The following RUBCN variants were observed in gnomAD, a reference collection of about 807,000 sequenced individuals.
RUBCN encodes rubicon autophagy regulator, also known as run domain Beclin-1-interacting and cysteine-rich domain-containing protein.
Under a neutral mutation model 113.2 loss-of-function variants are expected in RUBCN, and 74 were observed. That is an observed-to-expected ratio of 0.65 (90% confidence interval 0.54 to 0.79). The LOEUF is 0.79. Among genes scored for constraint, RUBCN ranks in the 30% least tolerant of loss-of-function variants. RUBCN has a pLI of 0.00. For missense variants in RUBCN, 1,109 were observed against 1,251.7 expected (o/e 0.89, Z 1.72); for synonymous variants, 480 against 490.0 (o/e 0.98, Z 0.27).
Position 197,718,064 on chromosome 3 carries a change from G to T in RUBCN, c.132C>A (p.Ser44Arg), listed in dbSNP as rs769277133. The change falls in exon 2 of 20, where the codon AGC becomes AGA. Residue 44 changes from serine (S) to arginine (R), a missense_variant. Around this residue, in one of 3 missense-constraint regions of RUBCN, gnomAD observed 736 missense variants for 779.6 expected, o/e 0.94. Transcript: ENST00000296343. Reference protein sequence around the residue: ...TTVEGLVSTNSPNVWSKYGGL... With the variant: ...TTVEGLVSTNRPNVWSKYGGL... ...CACCATACTTAGACCAGACGTTGGG[G>T]CTGTTGGTTGATACCAAACCCTCCA... 4.3e-6 allele frequency: 7 copies of T among 1,614,066 alleles called. No homozygotes were observed. The Admixed American group carries it at 5.0e-5, about 12-fold the overall frequency.
Position 197,694,593 on chromosome 3 carries a change from A to C in RUBCN, c.1474-8T>G, listed in dbSNP as rs750507996. On this transcript the variant is annotated splice_polypyrimidine_tract_variant and splice_region_variant and intron_variant, in intron 9 of 19. Transcript: ENST00000296343. ...GCTGAAGTGGGCATTCTCCTGGCGG[A>C]AGGAGAGCACCAAACAGGCAAAGGG... 139 of 1,610,948 alleles carry C rather than the reference A, an allele frequency of 8.6e-5. No homozygotes were observed. The highest frequency in any genetic ancestry group is 1.0e-4 in the Non-Finnish European group (123 of 1,177,206).
At chr3:197,702,003 C>T (rs1203843913) in intron 5 of RUBCN, 139 bp from the exon 6 acceptor site, 6 of 755,910 alleles carry the variant, frequency 7.9e-6, no homozygotes, top group Non-Finnish European at 1.4e-5. Context: ...CCTGTAGATA[C>T]AGCAAGGCTA....
chr3:197,746,386 C>T (rs1361137365), intron 1 of RUBCN, among the ~76,000 whole-genome samples: 2 of 152,152 alleles, frequency 1.3e-5, no homozygotes, highest in Non-Finnish European at 1.5e-5. Context: ...GGTCTTATCT[C>T]TGGCACGCCT....
chr3:197,711,523 G>C (rs1724963149), intron 2 of RUBCN, among the ~76,000 whole-genome samples: 1 of 152,118 alleles, frequency 6.6e-6, no homozygotes, highest in Non-Finnish European at 1.5e-5. Context: ...ATTGGTAATT[G>C]CTTTTATAAG....
intron 2 of RUBCN, among the ~76,000 whole-genome samples, chr3:197,716,221 A>G (rs968423155): frequency 1.3e-5 from 2 of 152,196 alleles, no homozygotes; most frequent in African/African-American, 2.4e-5. Flanking sequence ...TCCGCCTCCC[A>G]GGTTCAAGTG....
In RUBCN at chr3:197,674,922, A is replaced by G; in HGVS notation, c.*96T>C. ...ATGATGATAATTAAAAAAAAAAAAA[A>G]AAAAAGAAGCCCCAGGTGGGGCGAG... On this transcript the variant is annotated 3_prime_UTR_variant, in exon 20 of 20. Transcript: ENST00000296343. 9.2e-7 allele frequency: 1 copy of G among 1,089,586 alleles called. No homozygotes were observed. Among genetic ancestry groups the G allele is most frequent in the Non-Finnish European group, 1.3e-6 (1 of 784,418 alleles). 67.5% of individuals were successfully genotyped at this position (1,089,586 alleles called of 1,614,324 possible).
At chr3:197,733,708 G>A (rs961920889) in intron 1 of RUBCN, among the ~76,000 whole-genome samples, 4 of 152,142 alleles carry the variant, frequency 2.6e-5, no homozygotes, top group Middle Eastern at 3.2e-3. Context: ...TTAATCAGCC[G>A]CCAACACAGT....
Position 197,703,606 on chromosome 3 carries a change from C to T in RUBCN, c.512G>A (p.Cys171Tyr). ...GTTGTTCTGTTCCACTGCTTCCAGGCACTGCAGCATGGCCGTGACATGAGC... is the reference window on the plus strand; with the variant it reads ...GTTGTTCTGTTCCACTGCTTCCAGGTACTGCAGCATGGCCGTGACATGAGC... ...SDAHVTAMLQ[C>Y]LEAVEQNNPR... Residue 171 changes from cysteine (C) to tyrosine (Y), a missense_variant, in exon 5 of 20, where the codon TGC becomes TAC. This residue lies in a region of RUBCN where 736 missense variants were observed against 779.6 expected (regional missense o/e 0.94). Transcript: ENST00000296343. The T allele has an allele frequency of 1.2e-6, 2 of 1,613,844 alleles. No individual in the cohort carries two copies. The highest frequency in any genetic ancestry group is 1.3e-5 in the African/African-American group (1 of 74,970).
chr3:197,699,951 C>T (rs186717805), intron 7 of RUBCN, among the ~76,000 whole-genome samples: 87 of 152,192 alleles, frequency 5.7e-4, no homozygotes, highest in African/African-American at 1.8e-3. Context: ...CAAAGCCTGC[C>T]GGATACCACA....
At chr3:197,692,087 A>G (rs1722486332) in intron 11 of RUBCN, among the ~76,000 whole-genome samples, 1 of 152,124 alleles carries the variant, frequency 6.6e-6, no homozygotes, top group East Asian at 1.9e-4. Context: ...CCACGTCATT[A>G]GAGGGTTAGA....
chr3:197,694,171 G>A (rs774160216), intron 10 of RUBCN: 22 of 690,616 alleles, frequency 3.2e-5, no homozygotes, highest in Admixed American at 8.1e-5. Context: ...GATTCCAGGC[G>A]TGAGCCACTC....
intron 1 of RUBCN, among the ~76,000 whole-genome samples, chr3:197,733,515 T>A (rs1254200840): frequency 6.6e-6 from 1 of 152,158 alleles, no homozygotes. Context: ...AAAATGATGC[T>A]ATCTCATCAA....
At chr3:197,688,358 G>A (rs1264255606) in intron 11 of RUBCN, among the ~76,000 whole-genome samples, 7 of 152,004 alleles carry the variant, frequency 4.6e-5, no homozygotes, top group East Asian at 3.9e-4. Context: ...TGCCCGCCTC[G>A]GCCTCCCAAA....
chr3:197,733,143 G>A (rs1272834807), intron 1 of RUBCN, among the ~76,000 whole-genome samples: 3 of 152,144 alleles, frequency 2.0e-5, no homozygotes, highest in African/African-American at 7.2e-5. Context: ...ACTACTTAAG[G>A]AAAATACACT....
intron 1 of RUBCN, among the ~76,000 whole-genome samples, chr3:197,745,155 C>T (rs994150414): frequency 4.6e-5 from 7 of 151,700 alleles, no homozygotes; most frequent in African/African-American, 9.7e-5. Context: ...CGTGGTGGCA[C>T]GCACCTGTAG....
chr3:197,731,301 A>C (rs1727433761), intron 1 of RUBCN, among the ~76,000 whole-genome samples: 1 of 152,226 alleles, frequency 6.6e-6, no homozygotes, highest in Non-Finnish European at 1.5e-5. Context: ...CAGAGAGCAC[A>C]GGGTTGGGGG....
rs1248796088 is a variant in RUBCN, at chr3:197,722,113, C to T, written c.66-3983G>A. ...AAAAAATTAGCCAGGTGTGGTGGTG[C>T]GTGCATGTAATCCCAGCTACACAGG... On this transcript the variant is annotated intron_variant, in intron 1 of 19. Transcript: ENST00000296343. 2.0e-5 allele frequency among the ~76,000 whole-genome samples: 3 copies of T among 151,736 alleles called. No individual in the cohort carries two copies. In the South Asian group the frequency reaches 6.2e-4, roughly 32 times the overall value.
At chr3:197,685,581 T>C (rs1444008581) in intron 11 of RUBCN, among the ~76,000 whole-genome samples, 7 of 152,232 alleles carry the variant, frequency 4.6e-5, no homozygotes, top group African/African-American at 1.7e-4. Context: ...AATAACATTG[T>C]TGACAAACTA....
intron 2 of RUBCN, among the ~76,000 whole-genome samples, chr3:197,707,362 TTC>T (rs1724432142): frequency 3.3e-5 from 5 of 152,096 alleles, no homozygotes; most frequent in Non-Finnish European, 5.9e-5. Context: ...TAAAATTGGT[TTC>T]TTTTCTTCAG....
Sources: allele counts gnomAD v4.1 joint callset (sites outside exome capture counted in the v4.1 genomes callset), GRCh38; gene constraint gnomAD v4.1.1; regional missense constraint gnomAD v4.1.1; transcripts MANE v1.5; gene names NCBI Gene and HGNC (gene_info 2026-07-23, HGNC 2026-07-21).